Variants in LRRIQ4 observed in about 807,000 individuals in gnomAD.
LRRIQ4 encodes the protein leucine-rich repeat and IQ domain-containing protein 4.
A neutral mutation model predicts 40.1 loss-of-function variants in LRRIQ4; 21 were observed. The ratio of observed to expected loss-of-function variants is 0.52; its 90% CI spans 0.37 to 0.75. The LOEUF is 0.75. LRRIQ4 is among the 30% of genes least tolerant of loss of function. LRRIQ4 has a pLI of 0.00. For missense variants in LRRIQ4, 655 were observed against 660.0 expected (o/e 0.99, Z 0.08); for synonymous variants, 277 against 277.1 (o/e 1.00, Z 0.00).
intron 2 of LRRIQ4, among the ~76,000 whole-genome samples, chr3:169,826,498 T>A (rs1780044359): frequency 6.6e-6 from 1 of 152,176 alleles, no homozygotes; most frequent in Non-Finnish European, 1.5e-5. Flanking sequence ...CCTCATCTAA[T>A]GCTCTACAGA....
At chr3:169,813,594 C>CTT (rs1257050577) in intron 1 of LRRIQ4, among the ~76,000 whole-genome samples, 1 of 152,164 alleles carries the variant, frequency 6.6e-6, no homozygotes, top group African/African-American at 2.4e-5. Flanking sequence ...CCATAAACGA[C>CTT]TTTGTAACCT....
At chr3:169,823,772 C>T (rs74653748) in intron 2 of LRRIQ4, among the ~76,000 whole-genome samples, 2,185 of 152,276 alleles carry the variant, frequency 0.014, 58 homozygotes, top group African/African-American at 0.051. Context: ...CCAGACTTGT[C>T]CCAACAGAAA....
intron 2 of LRRIQ4, among the ~76,000 whole-genome samples, chr3:169,823,304 T>G (rs1779960410): frequency 6.6e-6 from 1 of 151,482 alleles, no homozygotes; most frequent in Non-Finnish European, 1.5e-5. Flanking sequence ...CAGCCGCGAT[T>G]CCAGCCCACA....
chr3:169,814,691 G>T (rs1779727598), intron 1 of LRRIQ4, among the ~76,000 whole-genome samples: 1 of 152,092 alleles, frequency 6.6e-6, no homozygotes, highest in Admixed American at 6.5e-5. Context: ...CACCATGTTG[G>T]CCAGGCTGGT....
At position 169,832,054 on chromosome 3, in the gene LRRIQ4, A is replaced by G. The variant is rs557586818; in HGVS notation, c.1334-933A>G. 2.6e-5 allele frequency among the ~76,000 whole-genome samples: 4 copies of G among 152,210 alleles called. No homozygotes were observed. The South Asian group carries it at 8.3e-4, about 32-fold the overall frequency. ...GTAATCCTTAGTAATGCTCCTGACC[A>G]TAAATTTTTATCCTGTCCTTGGTCC... On this transcript the variant is annotated intron_variant, in intron 4 of 5. Coordinates refer to ENST00000340806, the MANE Select transcript of LRRIQ4 (RefSeq NM_001080460.3).
intron 4 of LRRIQ4, among the ~76,000 whole-genome samples, chr3:169,832,277 A>T (rs1003746958): frequency 1.3e-5 from 2 of 151,818 alleles, no homozygotes; most frequent in African/African-American, 4.8e-5. Flanking sequence ...AAACCAGCCT[A>T]GCCAATACAG....
chr3:169,824,321 A>T (rs930298254), intron 2 of LRRIQ4, among the ~76,000 whole-genome samples: 1 of 152,140 alleles, frequency 6.6e-6, no homozygotes, highest in African/African-American at 2.4e-5. Flanking sequence ...GTTCAAGACC[A>T]TGCTGGGCAA....
At chr3:169,832,297 A>G (rs1780197379) in intron 4 of LRRIQ4, among the ~76,000 whole-genome samples, 1 of 151,812 alleles carries the variant, frequency 6.6e-6, no homozygotes, top group Non-Finnish European at 1.5e-5. Flanking sequence ...GTGAAACCCC[A>G]TCTCTACTAA....
intron 1 of LRRIQ4, among the ~76,000 whole-genome samples, chr3:169,816,536 C>T (rs1367446037): frequency 1.3e-5 from 2 of 151,936 alleles, no homozygotes; most frequent in Admixed American, 1.3e-4. Context: ...CTCTTTTTCT[C>T]TTAATCTGGC....
intron 1 of LRRIQ4, among the ~76,000 whole-genome samples, chr3:169,817,094 T>G (rs1244688615): frequency 6.6e-6 from 1 of 152,230 alleles, no homozygotes; most frequent in Non-Finnish European, 1.5e-5. Flanking sequence ...TGCCTGTTAG[T>G]ACTGCTTTCA....
Position 169,828,828 on chromosome 3 carries a change from T to C in LRRIQ4, c.1090T>C (p.Phe364Leu). Residue 364 changes from phenylalanine (F) to leucine (L), a missense_variant, in exon 3 of 6, where the codon TTT (phenylalanine) becomes CTT (leucine). Transcript: ENST00000340806. ...ACTAACAGGAAATGAGTTCCTTTCC[T>C]TTCCGGAGGAAGTCCTTTCTTTAGC... ...LGLTGNEFLS[F>L]PEEVLSLASL... 1.2e-6 allele frequency: 2 copies of C among 1,613,918 alleles called. No homozygotes were observed. Among genetic ancestry groups the C allele is most frequent in the Non-Finnish European group, 1.7e-6 (2 of 1,179,840 alleles).
chr3:169,827,592 G>A (rs927751729), intron 2 of LRRIQ4, among the ~76,000 whole-genome samples: 6 of 134,678 alleles, frequency 4.5e-5, no homozygotes, highest in Non-Finnish European at 7.6e-5. Context: ...GGGCGGCAGA[G>A]CGAGACTCCG....
chr3:169,812,881 G>A lies in LRRIQ4; in HGVS notation c.-197G>A. 3.2e-6 allele frequency: 1 copy of A among 310,316 alleles called. No homozygotes were observed. The allele number at this position is 310,316 out of a possible 1,614,324, so 19.2% of individuals were successfully genotyped here. A position where few individuals can be genotyped will look rare whatever the true frequency, so the allele number is the denominator to read the frequency against. ...CCTGCCGGGCCAGCGAAGAAGCAGA[G>A]TAGCATCAGCACATGATAAAGGCGT... On this transcript the variant is annotated 5_prime_UTR_variant, in exon 1 of 6. Transcript: ENST00000340806. This position sits in a 1 kb window ranked among gnomAD's most constrained non-coding sequence, Gnocchi z 4.3.
At chr3:169,819,447 C>G (rs373051498) in intron 1 of LRRIQ4, among the ~76,000 whole-genome samples, 86 of 151,930 alleles carry the variant, frequency 5.7e-4, no homozygotes, top group African/African-American at 1.3e-3. Flanking sequence ...GCCCAGACAC[C>G]CTCATATTAA....
intron 1 of LRRIQ4, among the ~76,000 whole-genome samples, chr3:169,815,990 A>G (rs987039087): frequency 8.5e-5 from 13 of 152,182 alleles, no homozygotes; most frequent in African/African-American, 2.7e-4. Context: ...GATGAATGCC[A>G]CTTGGTCATG....
intron 1 of LRRIQ4, among the ~76,000 whole-genome samples, chr3:169,816,746 C>G (rs1333284266): frequency 6.6e-6 from 1 of 150,822 alleles, no homozygotes; most frequent in African/African-American, 2.4e-5. Context: ...TCTCAGCTCA[C>G]TGCAACCTCT....
At position 169,820,611 on chromosome 3, in the gene LRRIQ4, A is replaced by C. The variant is rs372997381; in HGVS notation, c.-31-1280A>C. On this transcript the variant is annotated intron_variant, in intron 1 of 5. Transcript: ENST00000340806. ...GAGTGCAGTGGCGCGATCTCGGCTT[A>C]CTGCAAGCTCCGCCCCCCGGGTTCA... is the stretch of plus-strand genomic sequence containing the variant. Among the ~76,000 whole-genome samples, 33 of 142,046 alleles carry C rather than the reference A, an allele frequency of 2.3e-4. No homozygotes were observed. The East Asian group carries it at 2.5e-3, about 11-fold the overall frequency. 93.2% of individuals were successfully genotyped at this position (142,046 alleles called of 152,430 possible). A position where few individuals can be genotyped will look rare whatever the true frequency, so the allele number is the denominator to read the frequency against.
chr3:169,833,723 C>T (rs1780238260), intron 5 of LRRIQ4, among the ~76,000 whole-genome samples: 1 of 152,172 alleles, frequency 6.6e-6, no homozygotes, highest in East Asian at 1.9e-4. Context: ...CATCATCTCA[C>T]AGCCGGATAA....
intron 2 of LRRIQ4, among the ~76,000 whole-genome samples, chr3:169,826,045 G>C (rs1335542234): frequency 6.6e-6 from 1 of 152,118 alleles, no homozygotes; most frequent in Non-Finnish European, 1.5e-5. Context: ...AAAAATATCT[G>C]ATTTTCAATG....
Sources: gnomAD v4.1 joint callset for allele counts (sites outside exome capture counted in the v4.1 genomes callset) on GRCh38, gnomAD v4.1.1 for gene constraint, Gnocchi (gnomAD v3.1) non-coding constraint, MANE v1.5 for transcripts, NCBI Gene and HGNC (gene_info 2026-07-23, HGNC 2026-07-21) for gene names.